The following NREP variants were observed in gnomAD, a reference collection of about 807,000 sequenced individuals.
NREP encodes the protein neuronal regeneration-related protein.
In NREP, 5 loss-of-function variants were observed where a neutral mutation model predicts 8.6. That is an observed-to-expected ratio of 0.58 (90% confidence interval 0.30 to 1.22). The LOEUF is 1.22. NREP is among the 50% of genes most tolerant of loss of function. The pLI is 0.07. For missense variants in NREP, 86 were observed against 82.5 expected, an observed-to-expected ratio of 1.04 and a Z score of -0.17; for synonymous variants, 27 against 28.0, an observed-to-expected ratio of 0.96 and a Z score of 0.11.
At chr5:111,917,068 G>T (rs1755080686) in intron 2 of NREP, among the ~76,000 whole-genome samples, 4 of 152,060 alleles carry the variant, frequency 2.6e-5, no homozygotes, top group Admixed American at 2.6e-4. Flanking sequence ...ATACTTTCGG[G>T]GTCTTGTGTC....
chr5:111,936,949 T>C lies in NREP; in HGVS notation c.135+38325A>G, dbSNP rs1755701622. On this transcript the variant is annotated intron_variant, in intron 2 of 3. Coordinates refer to the NREP transcript ENST00000395634. ...GGAAGTGTTTTTGACTCTGTGTCCT[T>C]GGACAGTGGGCTCTCCTAAGGCCCC... 6.6e-5 allele frequency among the ~76,000 whole-genome samples: 10 copies of C among 152,192 alleles called. 1 individual carries two copies. In the South Asian group the frequency reaches 2.1e-3, roughly 32 times the overall value.
intron 2 of NREP, among the ~76,000 whole-genome samples, chr5:111,752,314 G>T (rs1344104908): frequency 6.6e-6 from 1 of 152,132 alleles, no homozygotes; most frequent in Non-Finnish European, 1.5e-5. Flanking sequence ...AACCCAAATA[G>T]ACTATCCCAA....
At chr5:111,940,466 T>G (rs1755800130) in intron 2 of NREP, among the ~76,000 whole-genome samples, 1 of 152,036 alleles carries the variant, frequency 6.6e-6, no homozygotes, top group Non-Finnish European at 1.5e-5. Flanking sequence ...CTGTCTGCCA[T>G]GTTCCAGGTC....
intron 2 of NREP, among the ~76,000 whole-genome samples, chr5:111,849,923 C>A (rs1753268849): frequency 6.6e-6 from 1 of 152,038 alleles, no homozygotes; most frequent in Admixed American, 6.6e-5. Flanking sequence ...AGATGGAAGC[C>A]CAGTGCCAAG....
intron 2 of NREP, among the ~76,000 whole-genome samples, chr5:111,751,666 T>G (rs1043237912): frequency 6.6e-6 from 1 of 152,184 alleles, no homozygotes; most frequent in Non-Finnish European, 1.5e-5. Context: ...CAAATTGGAT[T>G]TGCTGGTACG....
At chr5:111,786,581 G>C (rs977999326) in intron 2 of NREP, among the ~76,000 whole-genome samples, 1 of 152,084 alleles carries the variant, frequency 6.6e-6, no homozygotes, top group African/African-American at 2.4e-5. Context: ...ATGTTTCTCA[G>C]ATATAAAGAT....
At chr5:111,765,516 G>C (rs376492465) in intron 2 of NREP, among the ~76,000 whole-genome samples, 257 of 152,310 alleles carry the variant, frequency 1.7e-3, no homozygotes, top group African/African-American at 5.6e-3. Context: ...CTGTGACATA[G>C]GTATCATCAG....
intron 2 of NREP, among the ~76,000 whole-genome samples, chr5:111,925,554 T>C (rs1260049120): frequency 6.6e-6 from 1 of 152,180 alleles, no homozygotes; most frequent in Non-Finnish European, 1.5e-5. Flanking sequence ...TCTGGTCCTA[T>C]TGCCTGTTTC....
At chr5:111,951,696 T>C (rs1212025268) in intron 2 of NREP, among the ~76,000 whole-genome samples, 1 of 152,112 alleles carries the variant, frequency 6.6e-6, no homozygotes, top group African/African-American at 2.4e-5. Context: ...CCAATTTTCA[T>C]TCCCCTCAAT....
At chr5:111,760,493 C>T (rs1561655834), upstream of NREP, among the ~76,000 whole-genome samples, 1 of 152,208 alleles carries the variant, frequency 6.6e-6, no homozygotes, top group Non-Finnish European at 1.5e-5. Context: ...GGTAAAGAGA[C>T]AGCCAAAGCC....
At position 111,858,475 on chromosome 5, in the gene NREP, C is replaced by T. The variant is rs1319374950; in HGVS notation, c.135+116799G>A. On this transcript the variant is annotated intron_variant, in intron 2 of 3. Transcript: ENST00000395634. ...CTTTTGACTGAAAGGAGTAGGGTAG[C>T]TCTCATGAAGAAATCTAGACAAAAA... Among the ~76,000 whole-genome samples, 4 of 152,072 alleles carry T rather than the reference C, an allele frequency of 2.6e-5. No homozygotes were observed. In the East Asian group the frequency reaches 7.7e-4, roughly 29 times the overall value.
intron 2 of NREP, among the ~76,000 whole-genome samples, chr5:111,812,774 T>A (rs913249511): frequency 1.4e-4 from 22 of 152,276 alleles, no homozygotes; most frequent in Non-Finnish European, 3.1e-4. Flanking sequence ...TATACTGTTA[T>A]CATTAGTTAT....
chr5:111,876,010 A>T (rs1360796906), intron 2 of NREP, among the ~76,000 whole-genome samples: 4 of 152,196 alleles, frequency 2.6e-5, no homozygotes, highest in Admixed American at 2.6e-4. Context: ...GGTTAGGGCC[A>T]GTTGTGCCAT....
chr5:111,762,879 T>C (rs1038986206), intron 2 of NREP, among the ~76,000 whole-genome samples: 1 of 152,214 alleles, frequency 6.6e-6, no homozygotes, highest in Non-Finnish European at 1.5e-5. Flanking sequence ...AGGTTTCGGA[T>C]ATTCTACAAT....
intron 2 of NREP, among the ~76,000 whole-genome samples, chr5:111,747,737 A>ATT (rs1356378171): frequency 6.6e-6 from 1 of 152,032 alleles, no homozygotes; most frequent in Non-Finnish European, 1.5e-5. Flanking sequence ...CTCTTATGTT[A>ATT]TTTACTCCTT....
At chr5:111,761,234 A>G (rs1750953387), upstream of NREP, among the ~76,000 whole-genome samples, 1 of 152,194 alleles carries the variant, frequency 6.6e-6, no homozygotes, top group South Asian at 2.1e-4. Flanking sequence ...TATAGAACAA[A>G]ACTTATATGA....
intron 2 of NREP, among the ~76,000 whole-genome samples, chr5:111,816,279 A>T (rs1254073368): frequency 1.3e-5 from 2 of 152,238 alleles, no homozygotes; most frequent in African/African-American, 4.8e-5. Context: ...TTCTACCAAC[A>T]GGAAAATGAT....
chr5:111,821,599 C>T (rs929706685), intron 2 of NREP, among the ~76,000 whole-genome samples: 2 of 152,118 alleles, frequency 1.3e-5, no homozygotes, highest in Non-Finnish European at 2.9e-5. Context: ...CAAAAAAATG[C>T]AGACAGTTTC....
At chr5:111,924,638 G>C (rs576904680) in intron 2 of NREP, among the ~76,000 whole-genome samples, 1 of 152,214 alleles carries the variant, frequency 6.6e-6, no homozygotes, top group South Asian at 2.1e-4. Context: ...CCTAATATTG[G>C]GGTGTTGCAG....
Sources: allele counts gnomAD v4.1 joint callset (sites outside exome capture counted in the v4.1 genomes callset), GRCh38; gene constraint gnomAD v4.1.1; transcripts MANE v1.5; gene names NCBI Gene and HGNC (gene_info 2026-07-23, HGNC 2026-07-21).